The following TTC23L variants were observed in gnomAD, a reference collection of about 807,000 sequenced individuals.
TTC23L encodes tetratricopeptide repeat domain 23 like, also known as tetratricopeptide repeat protein 23-like.
A neutral mutation model predicts 48.1 loss-of-function variants in TTC23L; 42 were observed. The observed-to-expected ratio is 0.87, with a 90% CI of 0.68 to 1.13. TTC23L has a LOEUF of 1.13. Ranked by LOEUF, TTC23L falls within the 50% of genes most tolerant of loss-of-function variation. The pLI, the probability that TTC23L is intolerant of heterozygous loss-of-function variation, is 0.00. For missense variants in TTC23L, 391 were observed against 421.0 expected, an observed-to-expected ratio of 0.93 and a Z score of 0.62; for synonymous variants, 159 against 157.2, an observed-to-expected ratio of 1.01 and a Z score of -0.09.
intron 6 of TTC23L, among the ~76,000 whole-genome samples, chr5:34,866,413 T>C (rs1761051273): frequency 6.6e-6 from 1 of 152,264 alleles, no homozygotes; most frequent in South Asian, 2.1e-4. Flanking sequence ...TATGATATGC[T>C]ATAATTTATT....
chr5:34,880,044 T>A (rs1762116556), intron 8 of TTC23L, 137 bp from the exon 9 acceptor site: 1 of 1,037,066 alleles, frequency 9.6e-7, no homozygotes, highest in African/African-American at 1.6e-5. Flanking sequence ...ATCTTAGACT[T>A]TTAAAGAGTC....
chr5:34,895,531 A>G (rs896201723), intron 9 of TTC23L, among the ~76,000 whole-genome samples: 4 of 152,226 alleles, frequency 2.6e-5, no homozygotes, highest in Admixed American at 2.6e-4. Flanking sequence ...ATTTTGATAT[A>G]CCTTTTGATG....
chr5:34,895,852 G>GT (rs1161884743), intron 9 of TTC23L, among the ~76,000 whole-genome samples: 1 of 152,182 alleles, frequency 6.6e-6, no homozygotes, highest in Non-Finnish European at 1.5e-5. Context: ...GTGATGAAAT[G>GT]TATGTTCCAT....
intron 1 of TTC23L, 22 bp downstream of exon 1, chr5:34,839,281 G>A (rs996667046): frequency 6.5e-6 from 1 of 152,738 alleles, no homozygotes. Context: ...TCAGGAGGCC[G>A]ACGCAGCGGG....
chr5:34,887,234 A>G (rs889509786), intron 9 of TTC23L, among the ~76,000 whole-genome samples: 1 of 152,198 alleles, frequency 6.6e-6, no homozygotes, highest in Non-Finnish European at 1.5e-5. Flanking sequence ...AGCCCCCTGA[A>G]TGTAAGTTAT....
At chr5:34,860,408 G>A (rs1760514254) in intron 4 of TTC23L, among the ~76,000 whole-genome samples, 2 of 152,148 alleles carry the variant, frequency 1.3e-5, no homozygotes, top group African/African-American at 4.8e-5. Flanking sequence ...CTCCAAGTGT[G>A]GTCCTCAGAC....
intron 8 of TTC23L, among the ~76,000 whole-genome samples, chr5:34,878,687 CA>C (rs952107053): frequency 4.6e-5 from 7 of 152,036 alleles, no homozygotes; most frequent in African/African-American, 1.7e-4. Context: ...GACAAAAAAA[CA>C]AAAACAGATG....
the TTC23L span, among the ~76,000 whole-genome samples, chr5:34,924,116 A>G: frequency 6.6e-6 from 1 of 152,346 alleles, no homozygotes; most frequent in Admixed American, 6.5e-5. Flanking sequence ...CGGTTAGATG[A>G]TGAGTCACAC....
intron 4 of TTC23L, among the ~76,000 whole-genome samples, chr5:34,856,248 G>A (rs73764058): frequency 0.016 from 2,387 of 152,280 alleles, 57 homozygotes; most frequent in African/African-American, 0.055. Flanking sequence ...AATCCAAAAT[G>A]TTCCAAAATC....
At chr5:34,925,576 CT>C in the TTC23L span, 1 of 1,206,240 alleles carries the variant, frequency 8.3e-7, no homozygotes, top group South Asian at 1.7e-5. Flanking sequence ...TTATCTAATA[CT>C]ATCTTACGTC....
At chr5:34,867,006 G>A (rs1301908565) in exon 7 of TTC23L, 3 of 1,612,038 alleles carry the variant, frequency 1.9e-6, no homozygotes, top group African/African-American at 1.3e-5. Context: ...GCCTGTACGA[G>A]GAAGCTGCTC....
intron 8 of TTC23L, among the ~76,000 whole-genome samples, chr5:34,876,935 TAGTA>T (rs532627177): frequency 2.0e-5 from 3 of 151,892 alleles, no homozygotes; most frequent in African/African-American, 7.3e-5. Context: ...TGTGTATACC[TAGTA>T]ACAAACCTGC....
At chr5:34,913,588 G>C in the TTC23L span, 2 of 1,500,872 alleles carry the variant, frequency 1.3e-6, no homozygotes. Context: ...CCTATGAAAA[G>C]AGTAAAAATG....
In TTC23L at chr5:34,855,751, C is replaced by T. The variant is rs149534997; in HGVS notation, c.379+5443C>T. On this transcript the variant is annotated intron_variant, in intron 4 of 10. Transcript: ENST00000505624. ...AGATCTCTTTAGGGAAAAGAGAATG[C>T]ACAATGCAGTATGGTGTTTATAATA... is the stretch of plus-strand genomic sequence containing the variant. 4.6e-5 allele frequency among the ~76,000 whole-genome samples: 7 copies of T among 152,214 alleles called. No homozygotes were observed. In the East Asian group the frequency reaches 1.2e-3, roughly 25 times the overall value.
At chr5:34,866,843 A>T in intron 6 of TTC23L, 49 bp from the exon 7 acceptor site, 2 of 1,485,710 alleles carry the variant, frequency 1.3e-6, no homozygotes, top group Non-Finnish European at 9.0e-7. Flanking sequence ...TGTGTCTGCA[A>T]AGTAAGTGGC....
chr5:34,843,629 T>C (rs1758874361), intron 2 of TTC23L, among the ~76,000 whole-genome samples: 1 of 152,252 alleles, frequency 6.6e-6, no homozygotes, highest in African/African-American at 2.4e-5. Context: ...CTGTGAAATA[T>C]GCAGCTTAAG....
chr5:34,862,920 A>G, exon 5 of TTC23L: 1 of 1,613,966 alleles, frequency 6.2e-7, no homozygotes, highest in Non-Finnish European at 8.5e-7. Context: ...AGGCCAAGAA[A>G]CATGCTACAT....
chr5:34,915,472 A>G, the TTC23L span: 1 of 394,146 alleles, frequency 2.5e-6, no homozygotes, highest in Non-Finnish European at 4.6e-6. Context: ...CCTGAAGAGG[A>G]GCGAGGCGGC....
chr5:34,866,312 A>T (rs1173759448), intron 6 of TTC23L, among the ~76,000 whole-genome samples: 1 of 152,212 alleles, frequency 6.6e-6, no homozygotes, highest in Non-Finnish European at 1.5e-5. Context: ...GTGCAGCTTT[A>T]TATCTTTTTC....
Sources: gnomAD v4.1 joint callset for allele counts (sites outside exome capture counted in the v4.1 genomes callset) on GRCh38, gnomAD v4.1.1 for gene constraint, MANE v1.5 for transcripts, NCBI Gene and HGNC (gene_info 2026-07-23, HGNC 2026-07-21) for gene names.